BFAR: variants seen among roughly 807,000 people sequenced by gnomAD.
The protein encoded by BFAR is bifunctional apoptosis regulator.
Under a neutral mutation model 54.4 loss-of-function variants are expected in BFAR, and 52 were observed. The observed-to-expected ratio is 0.96, with a 90% CI of 0.77 to 1.21. BFAR has a LOEUF of 1.21. Ranked by LOEUF, BFAR falls within the 50% of genes most tolerant of loss-of-function variation. The probability of loss-of-function intolerance (pLI) is 0.00; values close to 1 mark genes in which losing one functional copy is unlikely to be tolerated. For missense variants in BFAR, 571 were observed against 534.0 expected, an observed-to-expected ratio of 1.07 and a Z score of -0.68; for synonymous variants, 215 against 204.3, an observed-to-expected ratio of 1.05 and a Z score of -0.45.
chr16:14,658,592 G>T (rs1287636842), intron 5 of BFAR, among the ~76,000 whole-genome samples: 1 of 151,964 alleles, frequency 6.6e-6, no homozygotes, highest in African/African-American at 2.4e-5. Flanking sequence ...AATTAGCTGG[G>T]CGTGGTGGTG....
intron 1 of BFAR, 76 bp from the exon 2 acceptor site, chr16:14,644,198 T>C (rs1236679350): frequency 2.5e-6 from 2 of 811,596 alleles, no homozygotes. Flanking sequence ...TTCAATAGAA[T>C]GTCAATACTT....
In BFAR at chr16:14,668,958, G is replaced by A. The variant is rs1597000676; in HGVS notation, c.*1131G>A. The A allele has an allele frequency of 2.6e-6, 1 of 385,234 alleles. No individual in the cohort carries two copies. 23.9% of individuals were successfully genotyped at this position (385,234 alleles called of 1,614,324 possible). A position where few individuals can be genotyped will look rare whatever the true frequency, so the allele number is the denominator to read the frequency against. ...TTGTCCTATCCTGATGTATAATACA[G>A]CAGGTATAATTACACCAAGCGCTAT... On this transcript the variant is annotated 3_prime_UTR_variant, in exon 8 of 8. Coordinates refer to ENST00000261658, the MANE Select transcript of BFAR (RefSeq NM_016561.3).
chr16:14,660,550 G>C (rs1180028421), intron 5 of BFAR, among the ~76,000 whole-genome samples: 31 of 146,766 alleles, frequency 2.1e-4, no homozygotes, highest in African/African-American at 7.5e-4. Flanking sequence ...CTCCCAAAGT[G>C]CTGGGATTAC....
At position 14,664,874 on chromosome 16, in the gene BFAR, T is replaced by G. The variant is rs936793444; in HGVS notation, c.963T>G (p.Leu321=). 1.2e-5 allele frequency: 20 copies of G among 1,613,204 alleles called. No homozygotes were observed. The African/African-American group carries it at 2.4e-4, about 19-fold the overall frequency. The change falls in exon 7 of 8, where the codon CTT becomes CTG. Residue 321 remains leucine (L), a synonymous_variant. Transcript: ENST00000261658. ...TCTGTGTGTTATTTTTTAAGGATCT[T>G]AAGGAGCCTACGTGGAAGCAGTGGA... ...GEDIVTKLLD[L]KEPTWKQWRE...
chr16:14,668,073 C>A lies in BFAR; in HGVS notation c.*246C>A. On this transcript the variant is annotated 3_prime_UTR_variant, in exon 8 of 8. Coordinates refer to ENST00000261658, the MANE Select transcript of BFAR (RefSeq NM_016561.3). ...CACAGCAGCAGCCCTTCCCACCCAG[C>A]CACCTTCCTCACAGGGACTAGGAGG... 1.9e-6 allele frequency: 1 copy of A among 521,440 alleles called. No homozygotes were observed. Among genetic ancestry groups the A allele is most frequent in the Non-Finnish European group, 3.4e-6 (1 of 293,868 alleles). The allele number at this position is 521,440 out of a possible 1,614,324, so 32.3% of individuals were successfully genotyped here.
chr16:14,652,610 TAAC>T (rs1960004513), intron 4 of BFAR, among the ~76,000 whole-genome samples: 1 of 152,028 alleles, frequency 6.6e-6, no homozygotes, highest in Non-Finnish European at 1.5e-5. Context: ...AAAAAAATAA[TAAC>T]TATGTGATAT....
At chr16:14,663,354 CAG>C (rs1427746238) in intron 6 of BFAR, among the ~76,000 whole-genome samples, 2 of 150,020 alleles carry the variant, frequency 1.3e-5, no homozygotes, top group East Asian at 4.0e-4. Flanking sequence ...TTTTTTGAGA[CAG>C]AGTCTCGCCC....
At chr16:14,641,446 A>G (rs549431368) in intron 1 of BFAR, among the ~76,000 whole-genome samples, 1 of 152,058 alleles carries the variant, frequency 6.6e-6, no homozygotes, top group South Asian at 2.1e-4. Flanking sequence ...AATAACCAGC[A>G]TTATTGCTGG....
At position 14,646,723 on chromosome 16, in the gene BFAR, C is replaced by G. The variant is rs1261053697; in HGVS notation, c.264-1665C>G. On this transcript the variant is annotated intron_variant, in intron 2 of 7. Transcript: ENST00000261658. ...ATGTTGGTCAGGCTGGTCTCATACT[C>G]CCGACCTCAGGTGATCCGCCCGCCT... is the stretch of plus-strand genomic sequence containing the variant. Among the ~76,000 whole-genome samples the G allele has an allele frequency of 3.9e-5, 6 of 151,970 alleles. No homozygotes were observed. The East Asian group carries it at 1.2e-3, about 30-fold the overall frequency.
At position 14,644,457 on chromosome 16, in the gene BFAR, C is replaced by T; in HGVS notation, c.111C>T (p.Cys37=). 1.2e-6 allele frequency: 2 copies of T among 1,614,090 alleles called. No homozygotes were observed. The highest frequency in any genetic ancestry group is 1.7e-6 in the Non-Finnish European group (2 of 1,180,030). ...ISVSEFSCHC[C]YDILVNPTTL... Reference sequence around the variant, plus strand: ...TTAGTGAATTTTCTTGCCACTGCTGCTACGACATCCTGGTTAACCCCACCA... The same window carrying T: ...TTAGTGAATTTTCTTGCCACTGCTGTTACGACATCCTGGTTAACCCCACCA... The change falls in exon 2 of 8, where the codon TGC becomes TGT. Residue 37 remains cysteine (C), a synonymous_variant. Coordinates refer to ENST00000261658, the MANE Select transcript of BFAR (RefSeq NM_016561.3).
rs1427160900 is a variant in BFAR at position 14,668,867 on chromosome 16, A to AT, written c.*1042dup. ...AAAAAAAAAATCATCTGTAAAATAAATTCCGGGATAGTCGTTTTGTTCAAG... is the reference window on the plus strand; with the variant it reads ...AAAAAAAAAATCATCTGTAAAATAAATTTCCGGGATAGTCGTTTTGTTCAAG... On this transcript the variant is annotated 3_prime_UTR_variant, in exon 8 of 8. Transcript: ENST00000261658. 1 of 167,896 alleles carries AT rather than the reference A, an allele frequency of 6.0e-6. No individual in the cohort carries two copies. Among genetic ancestry groups the AT allele is most frequent in the Non-Finnish European group, 1.3e-5 (1 of 76,828 alleles). 10.4% of individuals were successfully genotyped at this position (167,896 alleles called of 1,614,324 possible).
At position 14,644,413 on chromosome 16, in the gene BFAR, A is replaced by G. The variant is rs1465127065; in HGVS notation, c.67A>G (p.Thr23Ala). ...TGAGAGAGATGAACCTCTCAAAAGC[A>G]CCGGCCCTCAGATTTCTGTTAGTGA... ...DLERDEPLKS[T>A]GPQISVSEFS... Residue 23 changes from threonine (T) to alanine (A), a missense_variant, in exon 2 of 8, where the codon ACC becomes GCC. By Grantham distance (58) the Thr-to-Ala change is moderately conservative. Transcript: ENST00000261658. 1 of 1,614,008 alleles carries G rather than the reference A, an allele frequency of 6.2e-7. No homozygotes were observed. Among genetic ancestry groups the G allele is most frequent in the Admixed American group, 1.7e-5 (1 of 59,994 alleles).
At chr16:14,657,991 G>A (rs1960176554) in intron 5 of BFAR, among the ~76,000 whole-genome samples, 1 of 152,196 alleles carries the variant, frequency 6.6e-6, no homozygotes, top group Non-Finnish European at 1.5e-5. Context: ...AAGTAGCTGG[G>A]GCTACAGGCA....
At position 14,664,981 on chromosome 16, in the gene BFAR, G is replaced by A. The variant is rs1567496965; in HGVS notation, c.1070G>A (p.Trp357Ter). 3 of 1,613,930 alleles carry A rather than the reference G, an allele frequency of 1.9e-6. No individual in the cohort carries two copies. Among genetic ancestry groups the A allele is most frequent in the Non-Finnish European group, 2.5e-6 (3 of 1,179,826 alleles). The change falls in exon 7 of 8, where the codon TGG (tryptophan) becomes TAG (stop). Residue 357 changes from tryptophan to a stop codon, truncating the protein, a stop_gained. Coordinates refer to ENST00000261658, the MANE Select transcript of BFAR (RefSeq NM_016561.3). LOFTEE classifies it high-confidence loss of function. The part of the protein sequence containing the change: ...FAWDWLEVHY[W>*]TSRFLIINAM... ...TGGGACTGGTTGGAGGTCCATTACT[G>A]GACATCACGGTTTCTCATCATCAAT...
At chr16:14,659,647 T>C (rs1960234686) in intron 5 of BFAR, among the ~76,000 whole-genome samples, 1 of 151,656 alleles carries the variant, frequency 6.6e-6, no homozygotes, top group African/African-American at 2.4e-5. Flanking sequence ...GCCTCCTGGG[T>C]TCACACCATT....
chr16:14,656,390 T>C (rs979754531), intron 5 of BFAR, among the ~76,000 whole-genome samples: 1 of 151,904 alleles, frequency 6.6e-6, no homozygotes, highest in Non-Finnish European at 1.5e-5. Flanking sequence ...AAAAAATTAG[T>C]TGAGTGTGGT....
intron 1 of BFAR, chr16:14,633,393 CAGG>C (rs1404624182): frequency 6.6e-6 from 1 of 152,564 alleles, no homozygotes; most frequent in African/African-American, 2.4e-5. Context: ...GCCTGCCCGC[CAGG>C]AGCGCTTGCC....
intron 5 of BFAR, among the ~76,000 whole-genome samples, chr16:14,657,726 G>T (rs1481781323): frequency 6.6e-6 from 1 of 151,838 alleles, no homozygotes; most frequent in Non-Finnish European, 1.5e-5. Context: ...ATTTTTAGTA[G>T]AGGCGGAGTT....
At position 14,655,181 on chromosome 16, in the gene BFAR, A is replaced by T; in HGVS notation, c.754A>T (p.Lys252Ter). Reference protein sequence around the residue: ...ELERVKALGVKPPQNLWEYKA... With the variant: ...ELERVKALGV Reference sequence around the variant, plus strand: ...AGAACGTGTCAAAGCATTAGGCGTGAAGCCCCCCCAGAATCTCTGGGAATA... The same window carrying T: ...AGAACGTGTCAAAGCATTAGGCGTGTAGCCCCCCCAGAATCTCTGGGAATA... The change falls in exon 5 of 8, where the codon AAG (lysine) becomes TAG (stop). Residue 252 changes from lysine to a stop codon, truncating the protein, a stop_gained. Transcript: ENST00000261658. LOFTEE classifies it high-confidence loss of function. The T allele has an allele frequency of 1.3e-6, 2 of 1,558,880 alleles. No individual in the cohort carries two copies. Among genetic ancestry groups the T allele is most frequent in the Non-Finnish European group, 1.7e-6 (2 of 1,154,672 alleles).
Sources: allele counts gnomAD v4.1 joint callset (sites outside exome capture counted in the v4.1 genomes callset), GRCh38; gene constraint gnomAD v4.1.1; transcripts MANE v1.5; gene names NCBI Gene and HGNC (gene_info 2026-07-23, HGNC 2026-07-21).